Variants in NPM1 observed in about 807,000 individuals in gnomAD.
NPM1 encodes the protein nucleophosmin 1, also known as nucleophosmin.
A neutral mutation model predicts 44.1 loss-of-function variants in NPM1; 1 was observed. The ratio of observed to expected loss-of-function variants is 0.02; its 90% CI spans 0.01 to 0.11. NPM1 has a LOEUF of 0.11. NPM1 is among the 10% of genes least tolerant of loss of function. NPM1 has a pLI of 1.00. For missense variants in NPM1, 197 were observed against 347.8 expected, an observed-to-expected ratio of 0.57 and a Z score of 3.45; for synonymous variants, 126 against 111.8, an observed-to-expected ratio of 1.13 and a Z score of -0.80.
chr5:171,394,735 G>C (rs1209193006), intron 6 of NPM1, among the ~76,000 whole-genome samples: 2 of 152,202 alleles, frequency 1.3e-5, no homozygotes, highest in Admixed American at 1.3e-4. Context: ...GTCTGATTTT[G>C]AGTTACCTTT....
intron 6 of NPM1, among the ~76,000 whole-genome samples, chr5:171,397,370 C>T (rs1454301124): frequency 6.6e-6 from 1 of 152,174 alleles, no homozygotes; most frequent in Non-Finnish European, 1.5e-5. Context: ...ACACCTAAAG[C>T]AGAGTGGCTC....
intron 4 of NPM1, 134 bp from the exon 5 acceptor site, chr5:171,392,576 C>T: frequency 1.8e-6 from 1 of 562,488 alleles, no homozygotes; most frequent in Non-Finnish European, 2.9e-6. Context: ...AGTTCCTTTT[C>T]CCATGTGCTC....
At chr5:171,396,549 T>TA (rs1455257684) in intron 6 of NPM1, among the ~76,000 whole-genome samples, 2 of 152,182 alleles carry the variant, frequency 1.3e-5, no homozygotes, top group South Asian at 4.1e-4. Flanking sequence ...ATTGGAAAGA[T>TA]AGGTGTTTCT....
chr5:171,395,626 C>T (rs919979562), intron 6 of NPM1, among the ~76,000 whole-genome samples: 2 of 152,132 alleles, frequency 1.3e-5, no homozygotes, highest in African/African-American at 2.4e-5. Flanking sequence ...TAAAGGATGC[C>T]TTGAGGGAAA....
intron 6 of NPM1, among the ~76,000 whole-genome samples, chr5:171,394,476 T>G (rs1033019349): frequency 1.3e-5 from 2 of 152,078 alleles, no homozygotes; most frequent in Non-Finnish European, 2.9e-5. Flanking sequence ...GCCCGGCCAC[T>G]TTTTTTCTTG....
chr5:171,388,037 G>A (rs1770345818), intron 1 of NPM1, 31 bp downstream of exon 1: 44 of 1,460,428 alleles, frequency 3.0e-5, no homozygotes, highest in Non-Finnish European at 4.1e-5. Context: ...GAGCGAGGCC[G>A]AGCGGGGCCT....
At chr5:171,398,300 C>G (rs1473707630) in intron 6 of NPM1, among the ~76,000 whole-genome samples, 1 of 152,144 alleles carries the variant, frequency 6.6e-6, no homozygotes, top group African/African-American at 2.4e-5. Flanking sequence ...GAAAATTTGC[C>G]CCCTTAATTC....
chr5:171,388,886 T>A (rs1483470959), intron 1 of NPM1, among the ~76,000 whole-genome samples: 1 of 152,192 alleles, frequency 6.6e-6, no homozygotes, highest in African/African-American at 2.4e-5. Flanking sequence ...GTAAAGGCAA[T>A]AAGAGACTAA....
chr5:171,388,101 G>A (rs1476125050), intron 1 of NPM1, 95 bp downstream of exon 1: 4 of 1,104,968 alleles, frequency 3.6e-6, no homozygotes, highest in African/African-American at 1.5e-5. Context: ...ACCGGGTCTG[G>A]TGGAGACCGC....
Position 171,407,630 on chromosome 5 carries a change from G to C in NPM1, c.772-70G>C, listed in dbSNP as rs959386779. The C allele has an allele frequency of 2.8e-5, 25 of 881,746 alleles. No homozygotes were observed. The African/African-American group carries it at 3.3e-4, about 12-fold the overall frequency. The allele number at this position is 881,746 out of a possible 1,614,324, so 54.6% of individuals were successfully genotyped here. On this transcript the variant is annotated intron_variant, in intron 9 of 10. Coordinates refer to ENST00000296930, the MANE Select transcript of NPM1 (RefSeq NM_002520.7). ...CATGTAGTAGCATGCAGATTATTGAGGAATTTTCTAAAGGTATCTCTCTCG... is the reference window on the plus strand; with the variant it reads ...CATGTAGTAGCATGCAGATTATTGACGAATTTTCTAAAGGTATCTCTCTCG...
intron 8 of NPM1, 95 bp downstream of exon 8, chr5:171,401,020 CT>C: frequency 1.2e-6 from 1 of 834,356 alleles, no homozygotes; most frequent in Non-Finnish European, 2.0e-6. Flanking sequence ...TTTGATAGGC[CT>C]TTATAGAACC....
At chr5:171,400,255 ATGG>A (rs775320282) in intron 7 of NPM1, 45 bp downstream of exon 7, 2 of 1,610,974 alleles carry the variant, frequency 1.2e-6, no homozygotes, top group African/African-American at 1.3e-5. Flanking sequence ...AACAATAGAA[ATGG>A]TGATTTTTTA....
At chr5:171,400,322 T>TA (rs1771128191) in intron 7 of NPM1, 112 bp downstream of exon 7, 1 of 1,222,756 alleles carries the variant, frequency 8.2e-7, no homozygotes, top group African/African-American at 1.5e-5. Flanking sequence ...GATCATCTCA[T>TA]ACTGAAAATT....
At position 171,392,692 on chromosome 5, in the gene NPM1, T is replaced by C; in HGVS notation, c.353-18T>C. On this transcript the variant is annotated intron_variant, in intron 4 of 10. Coordinates refer to ENST00000296930, the MANE Select transcript of NPM1 (RefSeq NM_002520.7). ...CTTGCTGCTTGAGTTTTATAATGTC[T>C]AATAAATTGTATTTTAGCTGTGGAG... is the stretch of plus-strand genomic sequence containing the variant. The C allele has an allele frequency of 6.4e-7, 1 of 1,553,698 alleles. No individual in the cohort carries two copies. Among genetic ancestry groups the C allele is most frequent in the Non-Finnish European group, 8.9e-7 (1 of 1,129,264 alleles).
chr5:171,399,208 T>G (rs1771066013), intron 6 of NPM1, among the ~76,000 whole-genome samples: 1 of 152,148 alleles, frequency 6.6e-6, no homozygotes. Context: ...TCTAGCTTTC[T>G]TCCTTTCCAG....
At chr5:171,388,758 C>CA (rs1770412487) in intron 1 of NPM1, among the ~76,000 whole-genome samples, 1 of 152,210 alleles carries the variant, frequency 6.6e-6, no homozygotes, top group Non-Finnish European at 1.5e-5. Context: ...ACTGTGATGG[C>CA]AGCTCTCATT....
At chr5:171,407,286 T>C (rs1561876695) in intron 9 of NPM1, among the ~76,000 whole-genome samples, 1 of 152,126 alleles carries the variant, frequency 6.6e-6, no homozygotes, top group East Asian at 1.9e-4. Context: ...TTTTGTGGGG[T>C]TTTGTTTGTT....
chr5:171,398,239 C>T (rs970065436), intron 6 of NPM1, among the ~76,000 whole-genome samples: 13 of 152,160 alleles, frequency 8.5e-5, no homozygotes, highest in African/African-American at 3.1e-4. Flanking sequence ...TCTTTTGTTG[C>T]TTGTGCCTTT....
At chr5:171,400,525 C>T (rs1054510853) in intron 7 of NPM1, among the ~76,000 whole-genome samples, 1 of 150,120 alleles carries the variant, frequency 6.7e-6, no homozygotes, top group African/African-American at 2.5e-5. Flanking sequence ...GGCGCGATCT[C>T]AGCTCACTGC....
Sources: gnomAD v4.1 joint callset for allele counts (sites outside exome capture counted in the v4.1 genomes callset) on GRCh38, gnomAD v4.1.1 for gene constraint, MANE v1.5 for transcripts, NCBI Gene and HGNC (gene_info 2026-07-23, HGNC 2026-07-21) for gene names.